Variants in FBN2 observed in about 807,000 individuals in gnomAD.
The protein encoded by FBN2 is fibrillin 2.
In FBN2, 105 loss-of-function variants were observed where a neutral mutation model predicts 355.6. The observed-to-expected ratio is 0.30, with a 90% CI of 0.25 to 0.35. The LOEUF is 0.35. FBN2 is among the 10% of genes least tolerant of loss of function. FBN2 has a pLI of 1.00. For synonymous variants in FBN2, 1,350 were observed against 1,301.2 expected (o/e 1.04, Z -0.81); for missense variants, 3,280 against 3,758.7 (o/e 0.87, Z 3.33).
intron 25 of FBN2, among the ~76,000 whole-genome samples, chr5:128,340,910 T>C (rs541307546): frequency 6.6e-6 from 1 of 152,064 alleles, no homozygotes; most frequent in Admixed American, 6.6e-5. Context: ...TTCTTGAAGG[T>C]TGTACAGAAA....
intron 5 of FBN2, among the ~76,000 whole-genome samples, chr5:128,509,861 C>T (rs1326565564): frequency 6.6e-6 from 1 of 151,946 alleles, no homozygotes. Context: ...AATTATGTGA[C>T]CCTCTAATCT....
At chr5:128,413,964 AG>A (rs1362614727) in intron 7 of FBN2, among the ~76,000 whole-genome samples, 3 of 152,204 alleles carry the variant, frequency 2.0e-5, no homozygotes, top group African/African-American at 7.2e-5. Context: ...TGAAGTGTTA[AG>A]TGCAATAATT....
intron 62 of FBN2, among the ~76,000 whole-genome samples, chr5:128,266,600 T>C (rs752945462): frequency 2.5e-4 from 38 of 152,286 alleles, no homozygotes; most frequent in Non-Finnish European, 4.4e-4. Context: ...TTGTGCTAGG[T>C]GTTCAGAAAC....
At chr5:128,349,209 A>T in intron 23 of FBN2, 138 bp downstream of exon 23, 2 of 965,910 alleles carry the variant, frequency 2.1e-6, no homozygotes, top group Non-Finnish European at 3.3e-6. Flanking sequence ...AACAGCCTCT[A>T]GTGATTTCCC....
chr5:128,358,193 AG>A (rs1751552468), intron 19 of FBN2, among the ~76,000 whole-genome samples: 1 of 152,148 alleles, frequency 6.6e-6, no homozygotes, highest in African/African-American at 2.4e-5. Context: ...TTAACACATG[AG>A]TTAATGAAAA....
chr5:128,436,485 C>T (rs927770120), intron 7 of FBN2, among the ~76,000 whole-genome samples: 8 of 152,118 alleles, frequency 5.3e-5, no homozygotes, highest in Admixed American at 2.0e-4. Context: ...TGCCTCCCAA[C>T]ATAAATGTAT....
chr5:128,292,619 A>G (rs1465107817), intron 48 of FBN2, among the ~76,000 whole-genome samples: 1 of 151,814 alleles, frequency 6.6e-6, no homozygotes, highest in Non-Finnish European at 1.5e-5. Context: ...CACCAACAAC[A>G]AAAAAAACAA....
intron 5 of FBN2, among the ~76,000 whole-genome samples, chr5:128,511,090 A>T (rs879779067): frequency 6.6e-6 from 1 of 152,220 alleles, no homozygotes; most frequent in Non-Finnish European, 1.5e-5. Flanking sequence ...TTCCCTCCAA[A>T]TTATATAATT....
intron 6 of FBN2, among the ~76,000 whole-genome samples, chr5:128,458,294 C>T (rs1293624923): frequency 6.6e-6 from 1 of 151,790 alleles, no homozygotes; most frequent in Non-Finnish European, 1.5e-5. Context: ...CATAAAAGCA[C>T]CCAGATTCAT....
intron 48 of FBN2, among the ~76,000 whole-genome samples, chr5:128,292,624 A>C (rs1259094980): frequency 6.6e-6 from 1 of 152,170 alleles, no homozygotes; most frequent in Admixed American, 6.5e-5. Flanking sequence ...ACAACAAAAA[A>C]AACAAACACA....
chr5:128,503,519 G>A (rs1205842868), intron 5 of FBN2, among the ~76,000 whole-genome samples: 2 of 152,154 alleles, frequency 1.3e-5, no homozygotes, highest in Non-Finnish European at 2.9e-5. Context: ...CCAGGCTGAG[G>A]TGGTCTCAGA....
intron 34 of FBN2, among the ~76,000 whole-genome samples, chr5:128,322,052 T>C (rs574375002): frequency 1.3e-5 from 2 of 152,192 alleles, no homozygotes; most frequent in Non-Finnish European, 1.5e-5. Flanking sequence ...AGTGAGGATG[T>C]GCTTTTTTTC....
At chr5:128,447,559 T>G (rs146115342) in intron 6 of FBN2, among the ~76,000 whole-genome samples, 4,456 of 152,278 alleles carry the variant, frequency 0.029, 109 homozygotes, top group Admixed American at 0.048. Flanking sequence ...GATAAGATGT[T>G]ATCAATGACA....
chr5:128,395,186 G>A lies in FBN2; in HGVS notation c.1167C>T (p.Cys389=), dbSNP rs757599652. The change falls in exon 9 of 65, where the codon TGC becomes TGT. Residue 389 remains cysteine, a synonymous_variant. Coordinates refer to ENST00000262464, the MANE Select transcript of FBN2 (RefSeq NM_001999.4). ...LPGRMTKMQC[C]CEPGRCWGIG... is the part of the protein sequence containing the mutation. ...TGCCCCAGCAGCGGCCAGGCTCACA[G>A]CAGCACTGCATTTTCGTCATTCTCC... 1 of 1,614,144 alleles carries A rather than the reference G, an allele frequency of 6.2e-7. No individual in the cohort carries two copies. The highest frequency in any genetic ancestry group is 8.5e-7 in the Non-Finnish European group (1 of 1,180,016).
intron 48 of FBN2, among the ~76,000 whole-genome samples, chr5:128,299,087 G>C (rs1346673392): frequency 6.6e-6 from 1 of 151,856 alleles, no homozygotes; most frequent in Non-Finnish European, 1.5e-5. Context: ...TTGGAGTACT[G>C]GGCCGTGTGA....
intron 7 of FBN2, among the ~76,000 whole-genome samples, chr5:128,413,222 G>A (rs2127005568): frequency 6.6e-6 from 1 of 152,294 alleles, no homozygotes; most frequent in Admixed American, 6.5e-5. Context: ...TGCCTTTGAA[G>A]TTATGGCAAC....
intron 6 of FBN2, among the ~76,000 whole-genome samples, chr5:128,460,736 T>A (rs1362827893): frequency 1.3e-5 from 2 of 152,012 alleles, no homozygotes; most frequent in African/African-American, 4.8e-5. Context: ...TCAACAAACC[T>A]GACAAAAACA....
At chr5:128,272,249 G>A in intron 61 of FBN2, 131 bp from the exon 62 acceptor site, 2 of 1,040,218 alleles carry the variant, frequency 1.9e-6, no homozygotes, top group Admixed American at 2.0e-5. Flanking sequence ...ACATAGAGAG[G>A]CTGTCATTTT....
In FBN2 at chr5:128,366,353, A is replaced by G. The variant is rs1443843864; in HGVS notation, c.2302+24T>C. The G allele has an allele frequency of 2.2e-6, 3 of 1,375,848 alleles. No individual in the cohort carries two copies. In the Admixed American group the frequency reaches 5.1e-5, roughly 23 times the overall value. 85.2% of individuals were successfully genotyped at this position (1,375,848 alleles called of 1,614,324 possible). On this transcript the variant is annotated intron_variant, in intron 17 of 64. Coordinates refer to ENST00000262464, the MANE Select transcript of FBN2 (RefSeq NM_001999.4). ...TACGATTATGTCACGTGATTATTAT[A>G]AAGTTGAGATTAACTAGAGTTACCT...
Sources: gnomAD v4.1 joint callset for allele counts (sites outside exome capture counted in the v4.1 genomes callset) on GRCh38, gnomAD v4.1.1 for gene constraint, MANE v1.5 for transcripts, NCBI Gene and HGNC (gene_info 2026-07-23, HGNC 2026-07-21) for gene names.